Variants in NALF1 observed in about 807,000 individuals in gnomAD.
NALF1 encodes family with sequence similarity 155 member A.
A neutral mutation model predicts 48.4 loss-of-function variants in NALF1; 3 were observed. The ratio of observed to expected loss-of-function variants is 0.06; its 90% CI spans 0.03 to 0.16. NALF1 has a LOEUF of 0.16. Ranked by LOEUF, NALF1 falls within the 10% of genes least tolerant of loss-of-function variation. The pLI is 1.00. For synonymous variants in NALF1, 262 were observed against 245.7 expected, an observed-to-expected ratio of 1.07 and a Z score of -0.62; for missense variants, 526 against 571.5, an observed-to-expected ratio of 0.92 and a Z score of 0.81.
At chr13:107,171,782 CA>C (rs11314042) in intron 2 of NALF1, among the ~76,000 whole-genome samples, 6,801 of 152,030 alleles carry the variant, frequency 0.045, 197 homozygotes, top group Non-Finnish European at 0.059. Flanking sequence ...ACCATTTATC[CA>C]TGGGTGTTAG....
At chr13:107,826,209 T>C (rs1879512945) in intron 1 of NALF1, among the ~76,000 whole-genome samples, 1 of 152,226 alleles carries the variant, frequency 6.6e-6, no homozygotes, top group Non-Finnish European at 1.5e-5. Flanking sequence ...GGAACATTCA[T>C]TTGAGATCCC....
chr13:107,257,556 T>A (rs1282050468), intron 1 of NALF1, among the ~76,000 whole-genome samples: 1 of 152,104 alleles, frequency 6.6e-6, no homozygotes, highest in African/African-American at 2.4e-5. Flanking sequence ...GGGATAGTTT[T>A]AAGGGCCCTC....
chr13:107,264,265 CA>C (rs1391618451), intron 1 of NALF1, among the ~76,000 whole-genome samples: 11 of 152,102 alleles, frequency 7.2e-5, no homozygotes, highest in Non-Finnish European at 5.9e-5. Context: ...AATTAATTAA[CA>C]AAACTGGTTT....
chr13:107,545,617 G>A (rs1877115302), intron 1 of NALF1, among the ~76,000 whole-genome samples: 1 of 152,026 alleles, frequency 6.6e-6, no homozygotes, highest in Non-Finnish European at 1.5e-5. Context: ...ATGGAGCTGA[G>A]GGTCAAGTGT....
At chr13:107,815,120 A>C (rs908721003) in intron 1 of NALF1, among the ~76,000 whole-genome samples, 3 of 152,194 alleles carry the variant, frequency 2.0e-5, no homozygotes, top group African/African-American at 7.2e-5. Context: ...TTATGACTCC[A>C]AAAGTCCAAG....
chr13:107,223,374 T>G (rs1161811258), intron 1 of NALF1, among the ~76,000 whole-genome samples: 1 of 152,134 alleles, frequency 6.6e-6, no homozygotes, highest in Non-Finnish European at 1.5e-5. Flanking sequence ...TCCACCAACT[T>G]TTGTGGACAG....
At chr13:107,388,393 T>C (rs1422930871) in intron 1 of NALF1, among the ~76,000 whole-genome samples, 2 of 152,186 alleles carry the variant, frequency 1.3e-5, no homozygotes, top group Non-Finnish European at 2.9e-5. Flanking sequence ...ACTGTAAAAG[T>C]AGTGTGGCCT....
At chr13:107,477,231 G>T (rs1440553169) in intron 1 of NALF1, among the ~76,000 whole-genome samples, 12 of 152,070 alleles carry the variant, frequency 7.9e-5, no homozygotes, top group Non-Finnish European at 1.8e-4. Flanking sequence ...ACAAATATTT[G>T]CTCAGGAAGA....
intron 2 of NALF1, among the ~76,000 whole-genome samples, chr13:107,197,707 G>C (rs941944672): frequency 6.6e-6 from 1 of 152,178 alleles, no homozygotes. Context: ...CTACAGCTCT[G>C]TGATTTTACG....
At chr13:107,505,102 A>T (rs1875652063) in intron 1 of NALF1, among the ~76,000 whole-genome samples, 1 of 152,244 alleles carries the variant, frequency 6.6e-6, no homozygotes, top group Non-Finnish European at 1.5e-5. Context: ...GATGACTTTG[A>T]GGACTTCAAG....
At chr13:107,241,432 A>G (rs1308433374) in intron 1 of NALF1, among the ~76,000 whole-genome samples, 1 of 152,196 alleles carries the variant, frequency 6.6e-6, no homozygotes, top group African/African-American at 2.4e-5. Context: ...AATTCTCTGC[A>G]ATTTTAATAA....
chr13:107,424,234 C>T (rs1166684064), intron 1 of NALF1, among the ~76,000 whole-genome samples: 2 of 152,124 alleles, frequency 1.3e-5, no homozygotes, highest in Admixed American at 6.6e-5. Context: ...ACCTCCCAGG[C>T]TTAAGCCTTT....
At chr13:107,687,375 G>C (rs1465222043) in intron 1 of NALF1, among the ~76,000 whole-genome samples, 3 of 151,758 alleles carry the variant, frequency 2.0e-5, no homozygotes, top group Non-Finnish European at 2.9e-5. Flanking sequence ...CACTATTTGG[G>C]TGACGAGTTC....
At chr13:107,195,212 A>T (rs1205137964) in intron 2 of NALF1, among the ~76,000 whole-genome samples, 1 of 152,142 alleles carries the variant, frequency 6.6e-6, no homozygotes, top group Non-Finnish European at 1.5e-5. Flanking sequence ...GTAAAATCTC[A>T]GAAATCACCA....
At chr13:107,636,325 T>C (rs2138453470) in intron 1 of NALF1, among the ~76,000 whole-genome samples, 1 of 152,240 alleles carries the variant, frequency 6.6e-6, no homozygotes, top group East Asian at 1.9e-4. Flanking sequence ...CGAGCATCCA[T>C]TCATTGAAAG....
intron 1 of NALF1, among the ~76,000 whole-genome samples, chr13:107,325,845 C>CATAT (rs1229746465): frequency 1.5e-3 from 68 of 43,924 alleles, no homozygotes; most frequent in African/African-American, 4.1e-3. Flanking sequence ...TGTCTCAACA[C>CATAT]ACACACACAC....
chr13:107,380,189 A>T (rs2138972915), intron 1 of NALF1, among the ~76,000 whole-genome samples: 1 of 152,318 alleles, frequency 6.6e-6, no homozygotes, highest in East Asian at 1.9e-4. Flanking sequence ...CCTTAACTAA[A>T]TATATCTACT....
intron 1 of NALF1, among the ~76,000 whole-genome samples, chr13:107,625,156 T>A (rs1187628047): frequency 6.6e-6 from 1 of 152,118 alleles, no homozygotes; most frequent in Non-Finnish European, 1.5e-5. Context: ...ACATTTCCAC[T>A]AGCACCTGAT....
At chr13:107,648,419 G>A (rs1880366832) in intron 1 of NALF1, among the ~76,000 whole-genome samples, 1 of 152,096 alleles carries the variant, frequency 6.6e-6, no homozygotes, top group South Asian at 2.1e-4. Context: ...AAGTCAGGTA[G>A]TTGTAATCAT....
Sources: gnomAD v4.1 joint callset for allele counts (sites outside exome capture counted in the v4.1 genomes callset) on GRCh38, gnomAD v4.1.1 for gene constraint, MANE v1.5 for transcripts, NCBI Gene and HGNC (gene_info 2026-07-23, HGNC 2026-07-21) for gene names.